The following ELMO1 variants were observed in gnomAD, a reference collection of about 807,000 sequenced individuals.
ELMO1 encodes engulfment and cell motility protein 1.
Under a neutral mutation model 98.9 loss-of-function variants are expected in ELMO1, and 26 were observed. That is an observed-to-expected ratio of 0.26 (90% CI 0.19 to 0.36). ELMO1 has a LOEUF of 0.36. Among genes scored for constraint, ELMO1 ranks in the 10% least tolerant of loss-of-function variants. ELMO1 has a pLI of 1.00. For synonymous variants in ELMO1, 346 were observed against 346.0 expected, an observed-to-expected ratio of 1.00 and a Z score of 0.00; for missense variants, 627 against 935.2, an observed-to-expected ratio of 0.67 and a Z score of 4.30.
intron 4 of ELMO1, among the ~76,000 whole-genome samples, chr7:37,305,445 AGTGTGTGTGT>A (rs147003634): frequency 8.1e-6 from 1 of 122,820 alleles, no homozygotes; most frequent in African/African-American, 2.7e-5. Context: ...CAGTACAGAT[AGTGTGTGTGT>A]GTGTGTGTGT....
chr7:37,365,413 C>G (rs1324331681), intron 1 of ELMO1, among the ~76,000 whole-genome samples: 1 of 152,142 alleles, frequency 6.6e-6, no homozygotes, highest in African/African-American at 2.4e-5. Flanking sequence ...TGGGCCAACA[C>G]CAAAGTCACT....
At chr7:37,225,396 A>G (rs1182710129) in intron 8 of ELMO1, among the ~76,000 whole-genome samples, 2 of 152,212 alleles carry the variant, frequency 1.3e-5, no homozygotes, top group African/African-American at 4.8e-5. Context: ...GGTAATGTCA[A>G]CATATGTTAA....
rs1788148212 is a variant in ELMO1 at position 36,953,293 on chromosome 7, T to C, written c.1438-58276A>G. On this transcript the variant is annotated intron_variant, in intron 16 of 21. Transcript: ENST00000310758. ...GACATACTACTCTTGAACGTACTAC[T>C]CTCTTGACATAAAGATGGACATCAC... Among the ~76,000 whole-genome samples the C allele has an allele frequency of 2.0e-5, 3 of 152,212 alleles. No homozygotes were observed. The South Asian group carries it at 6.2e-4, about 32-fold the overall frequency.
At chr7:37,255,800 A>C (rs1795609208) in intron 6 of ELMO1, among the ~76,000 whole-genome samples, 1 of 82,080 alleles carries the variant, frequency 1.2e-5, no homozygotes, top group Non-Finnish European at 2.3e-5. Flanking sequence ...GACTTAGCTT[A>C]ATCAATAAAC....
intron 14 of ELMO1, among the ~76,000 whole-genome samples, chr7:37,100,220 C>T (rs1175222783): frequency 6.6e-6 from 1 of 152,202 alleles, no homozygotes; most frequent in Non-Finnish European, 1.5e-5. Context: ...TTGAAGTTGT[C>T]TATAAGCCCT....
intron 16 of ELMO1, among the ~76,000 whole-genome samples, chr7:36,932,337 A>G (rs1477510172): frequency 6.6e-6 from 1 of 152,210 alleles, no homozygotes; most frequent in Non-Finnish European, 1.5e-5. Flanking sequence ...AAAGAAAACA[A>G]TGTGCTGAAT....
chr7:37,176,484 C>T (rs1022910766), intron 13 of ELMO1, among the ~76,000 whole-genome samples: 1 of 152,094 alleles, frequency 6.6e-6, no homozygotes, highest in African/African-American at 2.4e-5. Flanking sequence ...TAAAAATGTA[C>T]AATATAATAT....
chr7:37,270,249 T>G (rs1344051076), intron 5 of ELMO1: 3 of 152,124 alleles, frequency 2.0e-5, no homozygotes, highest in Non-Finnish European at 4.4e-5. Context: ...AATGAGTAGA[T>G]TATAATCTCC....
intron 14 of ELMO1, among the ~76,000 whole-genome samples, chr7:37,116,599 A>G (rs1785605795): frequency 6.6e-6 from 1 of 152,088 alleles, no homozygotes; most frequent in Non-Finnish European, 1.5e-5. Flanking sequence ...CATATAGTTC[A>G]CTATACAGCT....
intron 1 of ELMO1, among the ~76,000 whole-genome samples, chr7:37,354,473 GA>G (rs1379554540): frequency 6.6e-6 from 1 of 152,132 alleles, no homozygotes; most frequent in South Asian, 2.1e-4. Flanking sequence ...TTTCCTCCTG[GA>G]AAAATTCTTT....
rs544006418 is a variant in ELMO1 at position 37,406,609 on chromosome 7, T to G, written c.-74+42066A>C. ...CACGCCCGGATAATTTTTTTGTATT[T>G]TTTTTTTTAGTAGAGACGGGGGAGG... On this transcript the variant is annotated intron_variant, in intron 1 of 21. Transcript: ENST00000310758. Among the ~76,000 whole-genome samples, 5 of 151,970 alleles carry G rather than the reference T, an allele frequency of 3.3e-5. No homozygotes were observed. The East Asian group carries it at 9.7e-4, about 30-fold the overall frequency.
At chr7:37,083,336 T>C (rs190362596) in intron 15 of ELMO1, among the ~76,000 whole-genome samples, 4 of 152,170 alleles carry the variant, frequency 2.6e-5, no homozygotes, top group South Asian at 2.1e-4. Context: ...CTGCAGGAAT[T>C]TGCATTTCAC....
At chr7:37,064,025 A>C (rs1236716487) in intron 15 of ELMO1, among the ~76,000 whole-genome samples, 2 of 152,042 alleles carry the variant, frequency 1.3e-5, no homozygotes, top group African/African-American at 2.4e-5. Context: ...CACTTGTCAT[A>C]GTCCTAACTA....
chr7:37,268,955 T>C (rs1290757996), intron 5 of ELMO1, among the ~76,000 whole-genome samples: 3 of 152,236 alleles, frequency 2.0e-5, no homozygotes, highest in Non-Finnish European at 4.4e-5. Context: ...CGCAGGCGTG[T>C]GTGTGCCCAT....
At chr7:37,117,511 T>G (rs1177520786) in intron 14 of ELMO1, among the ~76,000 whole-genome samples, 1 of 152,234 alleles carries the variant, frequency 6.6e-6, no homozygotes, top group Non-Finnish European at 1.5e-5. Context: ...CTCATCCTCA[T>G]GCTTGAAGCA....
chr7:37,393,010 C>T (rs1486183455), intron 1 of ELMO1, among the ~76,000 whole-genome samples: 1 of 152,154 alleles, frequency 6.6e-6, no homozygotes, highest in Non-Finnish European at 1.5e-5. Context: ...ACCTCCCCAC[C>T]CCCAACTCAT....
intron 1 of ELMO1, among the ~76,000 whole-genome samples, chr7:37,352,523 A>G (rs1442320977): frequency 6.6e-6 from 1 of 152,222 alleles, no homozygotes; most frequent in Non-Finnish European, 1.5e-5. Flanking sequence ...CTGTCCAGAA[A>G]ACTTTTTTTT....
At chr7:36,928,618 G>T (rs1337412152) in intron 16 of ELMO1, among the ~76,000 whole-genome samples, 9 of 152,140 alleles carry the variant, frequency 5.9e-5, no homozygotes, top group Non-Finnish European at 1.3e-4. Context: ...GCTCTGTTTG[G>T]TTCCCACTGC....
intron 1 of ELMO1, among the ~76,000 whole-genome samples, chr7:37,383,491 G>C (rs967318574): frequency 6.6e-6 from 1 of 152,150 alleles, no homozygotes; most frequent in Non-Finnish European, 1.5e-5. Context: ...TATCTTCCTG[G>C]TGAGTTAATG....
Sources: gnomAD v4.1 joint callset for allele counts (sites outside exome capture counted in the v4.1 genomes callset) on GRCh38, gnomAD v4.1.1 for gene constraint, MANE v1.5 for transcripts, NCBI Gene and HGNC (gene_info 2026-07-23, HGNC 2026-07-21) for gene names.